MIB1: variants seen among roughly 807,000 people sequenced by gnomAD.
The protein encoded by MIB1 is E3 ubiquitin-protein ligase MIB1.
Under a neutral mutation model 124.5 loss-of-function variants are expected in MIB1, and 278 were observed. That is an observed-to-expected ratio of 2.23 (90% confidence interval 2.02 to 2.47). The LOEUF is 2.47. Ranked by LOEUF, MIB1 falls within the 30% of genes most tolerant of loss-of-function variation. The pLI, the probability that MIB1 is intolerant of heterozygous loss-of-function variation, is 0.00. For synonymous variants in MIB1, 446 were observed against 429.4 expected (o/e 1.04, Z -0.48); for missense variants, 957 against 1,254.4 (o/e 0.76, Z 3.58).
intron 1 of MIB1, among the ~76,000 whole-genome samples, chr18:21,764,719 A>G (rs2036765904): frequency 8.0e-6 from 1 of 125,720 alleles, no homozygotes; most frequent in Non-Finnish European, 1.6e-5. Flanking sequence ...GCCTCCCTCC[A>G]GTTATTTTGA....
intron 15 of MIB1, among the ~76,000 whole-genome samples, chr18:21,845,703 A>G (rs556051682): frequency 6.6e-6 from 1 of 151,908 alleles, no homozygotes; most frequent in East Asian, 1.9e-4. Flanking sequence ...GGCACACTGC[A>G]ACCTCTGCCT....
chr18:21,815,478 TG>T, intron 10 of MIB1, 137 bp from the exon 11 acceptor site: 1 of 730,236 alleles, frequency 1.4e-6, no homozygotes, highest in Non-Finnish European at 2.2e-6. Context: ...CCACTGCACC[TG>T]GTCAAGTTCT....
At chr18:21,753,209 A>T (rs2040994253) in intron 1 of MIB1, among the ~76,000 whole-genome samples, 2 of 152,056 alleles carry the variant, frequency 1.3e-5, no homozygotes, top group Admixed American at 6.6e-5. Context: ...TATTTTTGAG[A>T]TGGAGTTTTG....
chr18:21,719,477 C>T lies in MIB1; in HGVS notation n.167+14354C>T, dbSNP rs529340174. Reference sequence around the variant, plus strand: ...AAAATTTTTTTTTGATATGAAGTCTCGCTCTGTTGCCCAGGCTGGAGTGCA... The same window carrying T: ...AAAATTTTTTTTTGATATGAAGTCTTGCTCTGTTGCCCAGGCTGGAGTGCA... On this transcript the variant is annotated intron_variant and non_coding_transcript_variant, in intron 1 of 20. Coordinates refer to the MIB1 transcript ENST00000578646. Among the ~76,000 whole-genome samples, 27 of 152,140 alleles carry T rather than the reference C, an allele frequency of 1.8e-4. 1 individual carries two copies. The highest frequency in any genetic ancestry group is 6.2e-4 in the South Asian group (3 of 4,816).
chr18:21,725,411 G>GCCTT (rs1444226289), intron 1 of MIB1, among the ~76,000 whole-genome samples: 1 of 152,152 alleles, frequency 6.6e-6, no homozygotes, highest in Non-Finnish European at 1.5e-5. Flanking sequence ...AGTGGTTAAG[G>GCCTT]GGGCAGATGA....
intron 8 of MIB1, among the ~76,000 whole-genome samples, chr18:21,798,487 C>G (rs752708055): frequency 1.5e-4 from 23 of 152,060 alleles, no homozygotes; most frequent in Admixed American, 3.3e-4. Flanking sequence ...TTGGGCATAT[C>G]AGGGGATTTT....
chr18:21,717,533 T>C (rs1382482096), intron 1 of MIB1, among the ~76,000 whole-genome samples: 1 of 151,388 alleles, frequency 6.6e-6, no homozygotes, highest in Non-Finnish European at 1.5e-5. Flanking sequence ...TACAATGAAC[T>C]CAAACAAATT....
intron 1 of MIB1, among the ~76,000 whole-genome samples, chr18:21,714,464 T>G (rs188901946): frequency 2.0e-5 from 3 of 152,304 alleles, no homozygotes; most frequent in East Asian, 3.9e-4. Context: ...CAGTATATTT[T>G]AATTAGCTCC....
At chr18:21,783,926 A>G (rs540278037) in intron 6 of MIB1, among the ~76,000 whole-genome samples, 1 of 151,850 alleles carries the variant, frequency 6.6e-6, no homozygotes, top group East Asian at 2.0e-4. Flanking sequence ...TTTTTTTTGT[A>G]GAGATGGGGT....
chr18:21,759,824 A>C (rs144549044), intron 1 of MIB1, among the ~76,000 whole-genome samples: 3 of 152,312 alleles, frequency 2.0e-5, no homozygotes, highest in African/African-American at 7.2e-5. Flanking sequence ...CAGAAATTTA[A>C]CATTTTACTT....
intron 7 of MIB1, among the ~76,000 whole-genome samples, chr18:21,796,063 GTCT>G (rs1233391351): frequency 1.3e-5 from 2 of 152,110 alleles, no homozygotes; most frequent in East Asian, 1.9e-4. Flanking sequence ...CAAAACAAAT[GTCT>G]TCTTTTGAGA....
intron 1 of MIB1, among the ~76,000 whole-genome samples, chr18:21,757,325 G>A (rs2041044163): frequency 1.3e-5 from 2 of 150,892 alleles, no homozygotes; most frequent in African/African-American, 2.4e-5. Context: ...GGTGGCACAT[G>A]CCTGTTATCC....
At chr18:21,780,952 A>G (rs7233384) in intron 6 of MIB1, among the ~76,000 whole-genome samples, 4,747 of 152,282 alleles carry the variant, frequency 0.031, 247 homozygotes, top group African/African-American at 0.11. Context: ...AGGAACCTCC[A>G]TACTGTTTCT....
intron 10 of MIB1, among the ~76,000 whole-genome samples, chr18:21,811,914 A>C (rs2041778198): frequency 6.6e-6 from 1 of 152,202 alleles, no homozygotes; most frequent in Non-Finnish European, 1.5e-5. Context: ...ATATTAAAAA[A>C]TCATGATGGT....
rs770717969 is a variant in MIB1, at chr18:21,778,102, G to T, written c.637-1G>T. 2 of 1,610,332 alleles carry T rather than the reference G, an allele frequency of 1.2e-6. No homozygotes were observed. Among genetic ancestry groups the T allele is most frequent in the South Asian group, 1.1e-5 (1 of 91,000 alleles). ...ATTTTTCTGGTTTCTTTTCTTCTTA[G>T]TCTGATCTGAAATGTGTCCAGGATG... is the stretch of plus-strand genomic sequence containing the variant. On this transcript the variant is annotated splice_acceptor_variant, in intron 4 of 20. Coordinates refer to ENST00000261537, the MANE Select transcript of MIB1 (RefSeq NM_020774.4). LOFTEE classifies it high-confidence loss of function.
intron 1 of MIB1, among the ~76,000 whole-genome samples, chr18:21,748,302 T>G (rs910136634): frequency 1.3e-5 from 2 of 152,090 alleles, no homozygotes; most frequent in African/African-American, 4.8e-5. Flanking sequence ...AATTGTTCAG[T>G]GCTCTTTTCA....
rs1002430238 is a variant in MIB1, at chr18:21,870,637, T to C, written c.*5971T>C. On this transcript the variant is annotated 3_prime_UTR_variant, in exon 21 of 21. Coordinates refer to ENST00000261537, the MANE Select transcript of MIB1 (RefSeq NM_020774.4). ...GGTTTTAGTTTTATGAGTAAATCATTAATTGTATGGTTTGGGGGTTATTTT... is the reference window on the plus strand; with the variant it reads ...GGTTTTAGTTTTATGAGTAAATCATCAATTGTATGGTTTGGGGGTTATTTT... 22 of 152,168 alleles carry C rather than the reference T, an allele frequency of 1.4e-4. No homozygotes were observed. The highest frequency in any genetic ancestry group is 5.3e-4 in the African/African-American group (22 of 41,452). The allele number at this position is 152,168 out of a possible 1,614,324, so 9.4% of individuals were successfully genotyped here. A position where few individuals can be genotyped will look rare whatever the true frequency, so the allele number is the denominator to read the frequency against.
At chr18:21,743,110 G>T (rs753273029) in intron 1 of MIB1, among the ~76,000 whole-genome samples, 5 of 152,126 alleles carry the variant, frequency 3.3e-5, no homozygotes, top group Non-Finnish European at 5.9e-5. Flanking sequence ...ATTAAAAAGG[G>T]TGTATGTACA....
intron 6 of MIB1, among the ~76,000 whole-genome samples, chr18:21,783,591 T>C (rs2041397265): frequency 6.6e-6 from 1 of 152,070 alleles, no homozygotes; most frequent in South Asian, 2.1e-4. Context: ...CATTCATTGT[T>C]GTTATTGATA....
Sources: gnomAD v4.1 joint callset for allele counts (sites outside exome capture counted in the v4.1 genomes callset) on GRCh38, gnomAD v4.1.1 for gene constraint, MANE v1.5 for transcripts, NCBI Gene and HGNC (gene_info 2026-07-23, HGNC 2026-07-21) for gene names.